Variants in AGBL1 observed in about 807,000 individuals in gnomAD.
AGBL1 encodes the protein cytosolic carboxypeptidase 4.
In AGBL1, 130 loss-of-function variants were observed where a neutral mutation model predicts 118.9. The observed-to-expected ratio is 1.09, with a 90% CI of 0.95 to 1.26. AGBL1 has a LOEUF of 1.26. Among genes scored for constraint, AGBL1 ranks in the 50% most tolerant of loss-of-function variants. The probability of loss-of-function intolerance (pLI) is 0.00; values close to 1 mark genes in which losing one functional copy is unlikely to be tolerated. For synonymous variants in AGBL1, 555 were observed against 478.9 expected (o/e 1.16, Z -2.08); for missense variants, 1,584 against 1,298.1 (o/e 1.22, Z -3.38).
chr15:86,928,447 C>A (rs571411576), intron 23 of AGBL1, among the ~76,000 whole-genome samples: 2 of 152,238 alleles, frequency 1.3e-5, no homozygotes, highest in South Asian at 2.1e-4. Flanking sequence ...TTCTTTGAGG[C>A]TCAGTGATGT....
rs910724128 is a variant in AGBL1, at chr15:86,526,577, C to T, written c.2685+3638C>T. 1.6e-3 allele frequency among the ~76,000 whole-genome samples: 166 copies of T among 106,360 alleles called. 1 individual carries two copies. Among genetic ancestry groups the T allele is most frequent in the African/African-American group, 6.6e-3 (153 of 23,286 alleles). The allele number at this position is 106,360 out of a possible 152,430, so 69.8% of individuals were successfully genotyped here. ...ATATATATATATATATATATATACACACAGAGTATATATATGTATATAGTG... is the reference window on the plus strand; with the variant it reads ...ATATATATATATATATATATATACATACAGAGTATATATATGTATATAGTG... On this transcript the variant is annotated intron_variant, in intron 19 of 22. Transcript: ENST00000614907.
intron 17 of AGBL1, among the ~76,000 whole-genome samples, chr15:86,357,547 A>C (rs2080740134): frequency 1.3e-5 from 2 of 152,128 alleles, no homozygotes; most frequent in African/African-American, 4.8e-5. Context: ...TATGTAGGGT[A>C]AAAAAGGGCC....
chr15:86,702,666 C>T (rs898530440), intron 22 of AGBL1, among the ~76,000 whole-genome samples: 2 of 152,134 alleles, frequency 1.3e-5, no homozygotes, highest in African/African-American at 4.8e-5. Flanking sequence ...TAGTACATTT[C>T]TCTCTCCACC....
intron 5 of AGBL1, among the ~76,000 whole-genome samples, chr15:86,198,478 G>A (rs1334679107): frequency 6.6e-6 from 1 of 152,164 alleles, no homozygotes; most frequent in Admixed American, 6.5e-5. Context: ...TTAATTTCAA[G>A]GGGTCAGAGG....
At chr15:86,207,038 G>A (rs138420899) in intron 5 of AGBL1, among the ~76,000 whole-genome samples, 1,959 of 152,304 alleles carry the variant, frequency 0.013, 26 homozygotes, top group East Asian at 0.073. Flanking sequence ...TGGCTAGCCA[G>A]TTTTCCCAGC....
At chr15:86,965,441 A>C (rs2081039971) in intron 23 of AGBL1, among the ~76,000 whole-genome samples, 1 of 151,976 alleles carries the variant, frequency 6.6e-6, no homozygotes, top group African/African-American at 2.4e-5. Flanking sequence ...TCTTTTGAGA[A>C]GTTATCTGTT....
intron 16 of AGBL1, among the ~76,000 whole-genome samples, chr15:86,284,216 C>T (rs1379844835): frequency 6.6e-6 from 1 of 150,692 alleles, no homozygotes; most frequent in Admixed American, 6.6e-5. Flanking sequence ...AAATGGAAGA[C>T]CCCTCCTCAA....
intron 23 of AGBL1, among the ~76,000 whole-genome samples, chr15:86,929,485 A>C (rs566854618): frequency 1.3e-5 from 2 of 152,336 alleles, no homozygotes; most frequent in East Asian, 3.9e-4. Context: ...TCTACCTGTG[A>C]ATTTTCACCA....
At chr15:86,972,579 A>G (rs2081120083) in intron 23 of AGBL1, among the ~76,000 whole-genome samples, 1 of 152,016 alleles carries the variant, frequency 6.6e-6, no homozygotes, top group African/African-American at 2.4e-5. Context: ...GCCTATCTTT[A>G]TGTTACATAG....
chr15:86,308,053 G>A (rs1459180435), intron 17 of AGBL1, among the ~76,000 whole-genome samples: 1 of 151,952 alleles, frequency 6.6e-6, no homozygotes, highest in African/African-American at 2.4e-5. Flanking sequence ...TTGCCTGTTT[G>A]GGACTTTACA....
At chr15:86,952,400 A>G (rs1041153805) in intron 23 of AGBL1, among the ~76,000 whole-genome samples, 4 of 152,146 alleles carry the variant, frequency 2.6e-5, no homozygotes, top group Admixed American at 2.6e-4. Flanking sequence ...TATCCAATCT[A>G]ACTATCTCTA....
At chr15:86,252,246 C>CCTTG in intron 7 of AGBL1, among the ~76,000 whole-genome samples, 1 of 152,300 alleles carries the variant, frequency 6.6e-6, no homozygotes, top group South Asian at 2.1e-4. Context: ...GTAGGCCAAG[C>CCTTG]CTTGATTCAT....
At chr15:86,770,541 C>G (rs1187410217) in intron 22 of AGBL1, among the ~76,000 whole-genome samples, 1 of 151,858 alleles carries the variant, frequency 6.6e-6, no homozygotes, top group Non-Finnish European at 1.5e-5. Context: ...CAAGCTGAAC[C>G]AGAAATTAAG....
intron 18 of AGBL1, among the ~76,000 whole-genome samples, chr15:86,511,825 C>G (rs1422181589): frequency 2.0e-5 from 3 of 151,832 alleles, no homozygotes; most frequent in Non-Finnish European, 4.4e-5. Context: ...AAGTAGGGCT[C>G]ATTTATTTTT....
At chr15:86,546,399 A>G (rs2142253856) in intron 20 of AGBL1, among the ~76,000 whole-genome samples, 1 of 152,268 alleles carries the variant, frequency 6.6e-6, no homozygotes, top group South Asian at 2.1e-4. Flanking sequence ...TGAGAACTAG[A>G]GACAGAAGAC....
At chr15:86,477,917 G>A (rs978093480) in intron 18 of AGBL1, among the ~76,000 whole-genome samples, 1 of 152,122 alleles carries the variant, frequency 6.6e-6, no homozygotes, top group African/African-American at 2.4e-5. Context: ...GGGATGCAAG[G>A]CTGATTCAAC....
chr15:86,877,869 A>G (rs1324342102), intron 22 of AGBL1, among the ~76,000 whole-genome samples: 1 of 152,158 alleles, frequency 6.6e-6, no homozygotes, highest in Non-Finnish European at 1.5e-5. Context: ...CTCTTCTCAC[A>G]TTCTTCTTTC....
chr15:86,159,016 C>T lies in AGBL1; in HGVS notation c.478C>T (p.Gln160Ter). 1 of 1,613,076 alleles carries T rather than the reference C, an allele frequency of 6.2e-7. No homozygotes were observed. Among genetic ancestry groups the T allele is most frequent in the Non-Finnish European group, 8.5e-7 (1 of 1,179,212 alleles). ...VITPYTRKRT[Q>*]AIRAATEVLA... ...TACTCCTTACACCCGAAAGCGCACC[C>T]AAGCAATCAGGTACAGAGTGCCATG... Residue 160 changes from glutamine (Q) to a stop codon, truncating the protein, a stop_gained, in exon 5 of 23, where the codon CAA (glutamine) becomes TAA (stop). Coordinates refer to ENST00000614907, the MANE Select transcript of AGBL1 (RefSeq NM_001386094.1). LOFTEE classifies it high-confidence loss of function.
intron 8 of AGBL1, among the ~76,000 whole-genome samples, 183 bp downstream of exon 8, chr15:86,257,201 C>T (rs1028124418): frequency 6.6e-6 from 1 of 152,124 alleles, no homozygotes; most frequent in African/African-American, 2.4e-5. Flanking sequence ...ATTTCATAAA[C>T]AGAAAAAACC....
Sources: allele counts gnomAD v4.1 joint callset (sites outside exome capture counted in the v4.1 genomes callset), GRCh38; gene constraint gnomAD v4.1.1; transcripts MANE v1.5; gene names NCBI Gene and HGNC (gene_info 2026-07-23, HGNC 2026-07-21).